The following MCTP1 variants were observed in gnomAD, a reference collection of about 807,000 sequenced individuals.
The protein encoded by MCTP1 is multiple C2 and transmembrane domain containing 1, also known as multiple C2 and transmembrane domain-containing protein 1.
A neutral mutation model predicts 120.6 loss-of-function variants in MCTP1; 69 were observed. The observed-to-expected ratio is 0.57, with a 90% confidence interval of 0.47 to 0.70. The LOEUF is 0.70. Among genes scored for constraint, MCTP1 ranks in the 30% least tolerant of loss-of-function variants. The pLI, the probability that MCTP1 is intolerant of heterozygous loss-of-function variation, is 0.00. For synonymous variants in MCTP1, 529 were observed against 493.1 expected, an observed-to-expected ratio of 1.07 and a Z score of -0.96; for missense variants, 1,203 against 1,248.8, an observed-to-expected ratio of 0.96 and a Z score of 0.55.
chr5:94,741,383 TGA>T (rs2152750976), intron 19 of MCTP1, among the ~76,000 whole-genome samples: 2 of 152,312 alleles, frequency 1.3e-5, no homozygotes, highest in Admixed American at 1.3e-4. Flanking sequence ...GACTAAACAA[TGA>T]GAGAAAACAT....
intron 1 of MCTP1, among the ~76,000 whole-genome samples, chr5:95,018,765 TC>T: frequency 6.6e-6 from 1 of 152,074 alleles, no homozygotes; most frequent in South Asian, 2.1e-4. Context: ...AGTTGTCAAA[TC>T]CCCCCACTCC....
intron 1 of MCTP1, among the ~76,000 whole-genome samples, chr5:95,097,060 T>A (rs1032688526): frequency 6.6e-6 from 1 of 152,112 alleles, no homozygotes; most frequent in Non-Finnish European, 1.5e-5. Context: ...TTTTTATAAC[T>A]TTTTCCCCTG....
At chr5:95,030,105 C>T (rs1840004762) in intron 1 of MCTP1, among the ~76,000 whole-genome samples, 1 of 152,154 alleles carries the variant, frequency 6.6e-6, no homozygotes, top group South Asian at 2.1e-4. Flanking sequence ...ATGGCCTGTA[C>T]CTGCACTGCA....
intron 18 of MCTP1, among the ~76,000 whole-genome samples, chr5:94,785,255 T>C (rs1257862072): frequency 5.3e-5 from 8 of 152,170 alleles, no homozygotes; most frequent in Non-Finnish European, 1.0e-4. Flanking sequence ...TTCATTCTTA[T>C]TCTCACACAA....
chr5:95,242,663 A>G lies in MCTP1; in HGVS notation c.720+41193T>C, dbSNP rs780729993. On this transcript the variant is annotated intron_variant, in intron 1 of 22. Coordinates refer to ENST00000515393, the MANE Select transcript of MCTP1 (RefSeq NM_024717.7). ...TAATAAAAAGGACGTATACTTTTTCATCTCACTTATATAAAATTCTAGGAA... is the reference window on the plus strand; with the variant it reads ...TAATAAAAAGGACGTATACTTTTTCGTCTCACTTATATAAAATTCTAGGAA... Among the ~76,000 whole-genome samples, 3 of 152,332 alleles carry G rather than the reference A, an allele frequency of 2.0e-5. No homozygotes were observed. In the East Asian group the frequency reaches 5.8e-4, roughly 29 times the overall value.
At chr5:94,925,509 C>T (rs545060113) in intron 6 of MCTP1, among the ~76,000 whole-genome samples, 27 of 151,930 alleles carry the variant, frequency 1.8e-4, no homozygotes, top group South Asian at 6.2e-4. Context: ...CCCGGGTTCA[C>T]GCCATTCTCC....
In MCTP1 at chr5:94,940,163, G is replaced by A. The variant is rs1393239518; in HGVS notation, c.1094C>T (p.Pro365Leu). ...TCCAAGATCATGGTCAGGATAATGA[G>A]GATCTTTCAGAGTAAGGGTCACATC... is the stretch of plus-strand genomic sequence containing the variant. ...PTDVTLTLKD[P>L]HYPDHDLGII... Residue 365 changes from proline (P) to leucine (L), a missense_variant, in exon 5 of 23, where the codon CCT (proline) becomes CTT (leucine). This residue lies in a region of MCTP1 where 740 missense variants were observed against 871.1 expected (regional missense o/e 0.85). Transcript: ENST00000515393. 1.2e-6 allele frequency: 2 copies of A among 1,606,726 alleles called. No individual in the cohort carries two copies. Among genetic ancestry groups the A allele is most frequent in the South Asian group, 1.1e-5 (1 of 90,024 alleles).
At chr5:95,257,974 G>C (rs564258965) in intron 1 of MCTP1, among the ~76,000 whole-genome samples, 1 of 152,278 alleles carries the variant, frequency 6.6e-6, no homozygotes, top group African/African-American at 2.4e-5. Context: ...AGTCCACACT[G>C]ATATAAATAT....
intron 1 of MCTP1, among the ~76,000 whole-genome samples, chr5:95,280,118 T>A (rs1263527120): frequency 2.0e-5 from 3 of 152,266 alleles, no homozygotes; most frequent in African/African-American, 4.8e-5. Context: ...TTGTTAAATA[T>A]GTGCTTTATT....
At chr5:95,278,401 A>G (rs1372651933) in intron 1 of MCTP1, among the ~76,000 whole-genome samples, 2 of 152,204 alleles carry the variant, frequency 1.3e-5, no homozygotes, top group Non-Finnish European at 2.9e-5. Context: ...AGCTTTACAG[A>G]AAGGTAAGCA....
At chr5:95,043,788 T>C (rs927597060) in intron 1 of MCTP1, among the ~76,000 whole-genome samples, 2 of 152,156 alleles carry the variant, frequency 1.3e-5, no homozygotes, top group Non-Finnish European at 2.9e-5. Context: ...AAGTGGTTAG[T>C]ACGTGCCCTT....
chr5:95,263,786 C>G (rs1016408887), intron 1 of MCTP1, among the ~76,000 whole-genome samples: 2 of 152,162 alleles, frequency 1.3e-5, no homozygotes, highest in Non-Finnish European at 2.9e-5. Context: ...GTTATTCCCC[C>G]AGATTTACAG....
chr5:94,841,194 A>G (rs989963142), intron 17 of MCTP1, among the ~76,000 whole-genome samples: 1 of 152,196 alleles, frequency 6.6e-6, no homozygotes, highest in African/African-American at 2.4e-5. Context: ...ACAGGAATAG[A>G]AAGGCATATC....
chr5:95,068,521 C>A (rs1751266579), intron 1 of MCTP1, among the ~76,000 whole-genome samples: 1 of 152,170 alleles, frequency 6.6e-6, no homozygotes, highest in Admixed American at 6.5e-5. Flanking sequence ...AGATACCTTG[C>A]AGCTTTATGG....
chr5:95,166,489 A>G (rs162475), intron 1 of MCTP1, among the ~76,000 whole-genome samples: 47,515 of 151,588 alleles, frequency 0.31, 7,825 homozygotes, highest in East Asian at 0.62. Context: ...TCCATAATTC[A>G]TATTACTTTT....
intron 17 of MCTP1, among the ~76,000 whole-genome samples, chr5:94,834,665 G>A (rs1789296563): frequency 6.6e-6 from 1 of 152,158 alleles, no homozygotes; most frequent in Non-Finnish European, 1.5e-5. Flanking sequence ...AAAGGCCGCC[G>A]ATTCCAGTCA....
chr5:95,238,099 T>C (rs1234131974), intron 1 of MCTP1, among the ~76,000 whole-genome samples: 1 of 152,160 alleles, frequency 6.6e-6, no homozygotes, highest in East Asian at 1.9e-4. Flanking sequence ...AATTTGTTAG[T>C]GATTCAAAAT....
At chr5:95,162,349 T>C (rs903180407) in intron 1 of MCTP1, among the ~76,000 whole-genome samples, 6 of 152,098 alleles carry the variant, frequency 3.9e-5, no homozygotes, top group Non-Finnish European at 8.8e-5. Context: ...AATGAAACAA[T>C]TACCTGACAA....
At chr5:94,778,029 C>T (rs1022980314) in intron 19 of MCTP1, among the ~76,000 whole-genome samples, 1 of 151,616 alleles carries the variant, frequency 6.6e-6, no homozygotes, top group African/African-American at 2.4e-5. Flanking sequence ...AATTTTTTGA[C>T]ATTTCTCGTG....
Sources: allele counts gnomAD v4.1 joint callset (sites outside exome capture counted in the v4.1 genomes callset), GRCh38; gene constraint gnomAD v4.1.1; regional missense constraint gnomAD v4.1.1; transcripts MANE v1.5; gene names NCBI Gene and HGNC (gene_info 2026-07-23, HGNC 2026-07-21).